CREB3L3: variants seen among roughly 807,000 people sequenced by gnomAD.
CREB3L3 encodes the protein cAMP responsive element binding protein 3 like 3, also known as cyclic AMP-responsive element-binding protein 3-like protein 3.
A neutral mutation model predicts 44.6 loss-of-function variants in CREB3L3; 40 were observed. The ratio of observed to expected loss-of-function variants is 0.90; its 90% CI spans 0.70 to 1.17. CREB3L3 has a LOEUF of 1.17. Among genes scored for constraint, CREB3L3 ranks in the 50% most tolerant of loss-of-function variants. The pLI is 0.00. For missense variants in CREB3L3, 578 were observed against 595.8 expected, an observed-to-expected ratio of 0.97 and a Z score of 0.31; for synonymous variants, 273 against 256.3, an observed-to-expected ratio of 1.06 and a Z score of -0.62.
intron 4 of CREB3L3, among the ~76,000 whole-genome samples, chr19:4,162,188 T>C (rs1379176594): frequency 6.6e-6 from 1 of 152,038 alleles, no homozygotes; most frequent in Non-Finnish European, 1.5e-5. Context: ...GTATTTTTAG[T>C]AGAGACGGGG....
intron 5 of CREB3L3, among the ~76,000 whole-genome samples, chr19:4,166,480 G>A (rs1599341806): frequency 1.4e-5 from 2 of 143,842 alleles, no homozygotes; most frequent in African/African-American, 5.2e-5. Context: ...TGGCCAGGAT[G>A]GTCTCGATCT....
chr19:4,164,501 A>G lies in CREB3L3; in HGVS notation c.577-2A>G, dbSNP rs200078501. On this transcript the variant is annotated splice_acceptor_variant, in intron 4 of 9. Transcript: ENST00000078445. LOFTEE classifies it high-confidence loss of function. ...CCGTCATTCCTCTGATTTTTTCCGT[A>G]GCAACAGCATCACCTGGGGGCCTCC... 5 of 1,613,894 alleles carry G rather than the reference A, an allele frequency of 3.1e-6. No homozygotes were observed. Among genetic ancestry groups the G allele is most frequent in the Non-Finnish European group, 2.5e-6 (3 of 1,180,010 alleles).
intron 5 of CREB3L3, among the ~76,000 whole-genome samples, chr19:4,167,978 T>TTTATTTATTTA (rs1555704049): frequency 8.0e-6 from 1 of 124,738 alleles, no homozygotes; most frequent in Non-Finnish European, 1.6e-5. Flanking sequence ...AATTATTTTA[T>TTTATTTATTTA]TTATTTATTT....
At chr19:4,162,176 T>C (rs2041669698) in intron 4 of CREB3L3, among the ~76,000 whole-genome samples, 1 of 152,046 alleles carries the variant, frequency 6.6e-6, no homozygotes, top group South Asian at 2.1e-4. Context: ...CGACTAATTT[T>C]TGTATTTTTA....
chr19:4,168,048 G>T (rs1966958666), intron 5 of CREB3L3, among the ~76,000 whole-genome samples: 1 of 150,504 alleles, frequency 6.6e-6, no homozygotes, highest in Non-Finnish European at 1.5e-5. Flanking sequence ...GCCCAGGCTG[G>T]ATTGCAATGG....
intron 5 of CREB3L3, among the ~76,000 whole-genome samples, chr19:4,165,443 G>C (rs1966887554): frequency 6.6e-6 from 1 of 150,882 alleles, no homozygotes; most frequent in South Asian, 2.1e-4. Flanking sequence ...CCAAAGTGTT[G>C]GGATTACAGG....
At chr19:4,155,569 G>C (rs879666180) in intron 2 of CREB3L3, among the ~76,000 whole-genome samples, 1 of 151,688 alleles carries the variant, frequency 6.6e-6, no homozygotes, top group Non-Finnish European at 1.5e-5. Flanking sequence ...TCCTGGCCAG[G>C]CTGGTCTTGA....
Position 4,171,915 on chromosome 19 carries a change from G to T in CREB3L3, c.1332G>T (p.Gly444=). Residue 444 remains glycine, a synonymous_variant, in exon 10 of 10, where the codon GGG becomes GGT. Coordinates refer to ENST00000078445, the MANE Select transcript of CREB3L3 (RefSeq NM_032607.3). The surrounding 1 kb of genome is among the most constrained non-coding windows in gnomAD (Gnocchi z 4.9). ...QVALLDWVAP[G]PSTGSGRAGL... ...CCCTGCTGGACTGGGTGGCGCCTGG[G>T]CCGAGCACTGGCTCAGGACGTGCAG... 6.2e-7 allele frequency: 1 copy of T among 1,611,838 alleles called. No homozygotes were observed. The highest frequency in any genetic ancestry group is 8.5e-7 in the Non-Finnish European group (1 of 1,179,498).
rs549961321 is a variant in CREB3L3 at position 4,161,366 on chromosome 19, G to A, written c.576+1584G>A. ...TAGCCTCAAGTGATCCTCCTGCTTT[G>A]TCCTCTCACAGTGCTGGATTATAGG... On this transcript the variant is annotated intron_variant, in intron 4 of 9. Coordinates refer to ENST00000078445, the MANE Select transcript of CREB3L3 (RefSeq NM_032607.3). 8.4e-4 allele frequency among the ~76,000 whole-genome samples: 127 copies of A among 152,082 alleles called. 2 individuals are homozygous for A. The highest frequency in any genetic ancestry group is 1.5e-3 in the Non-Finnish European group (101 of 68,008).
chr19:4,157,393 C>A (rs2041600003), intron 3 of CREB3L3, 98 bp downstream of exon 3: 6 of 1,363,268 alleles, frequency 4.4e-6, no homozygotes, highest in Non-Finnish European at 6.2e-6. Context: ...GGCATCTTGT[C>A]CAAGGTCACA....
rs547803453 is a variant in CREB3L3 at position 4,164,631 on chromosome 19, C to T, written c.705C>T (p.Pro235=). 1 of 1,614,040 alleles carries T rather than the reference C, an allele frequency of 6.2e-7. No individual in the cohort carries two copies. The highest frequency in any genetic ancestry group is 8.5e-7 in the Non-Finnish European group (1 of 1,180,026). The change falls in exon 5 of 10, where the codon CCC becomes CCT. Residue 235 remains proline, a synonymous_variant. Coordinates refer to ENST00000078445, the MANE Select transcript of CREB3L3 (RefSeq NM_032607.3). ...KEGITLPTQL[P]LTKYEERVLK... is the part of the protein sequence containing the mutation. ...GCATCACCCTGCCCACTCAGCTGCCCCTCACTAAGGTGAGTCTGGGGGGAC... is the reference window on the plus strand; with the variant it reads ...GCATCACCCTGCCCACTCAGCTGCCTCTCACTAAGGTGAGTCTGGGGGGAC...
intron 2 of CREB3L3, 128 bp downstream of exon 2, chr19:4,155,155 T>C: frequency 8.5e-7 from 1 of 1,172,358 alleles, no homozygotes; most frequent in Admixed American, 2.0e-5. Context: ...CACTAATGGG[T>C]CACGGTGCTT....
intron 3 of CREB3L3, among the ~76,000 whole-genome samples, chr19:4,158,499 A>G (rs1448184658): frequency 6.6e-6 from 1 of 151,756 alleles, no homozygotes; most frequent in Non-Finnish European, 1.5e-5. Context: ...TCTGTCTCGA[A>G]AAAAAGCCAA....
intron 3 of CREB3L3, 23 bp downstream of exon 3, chr19:4,157,318 C>T (rs1490824938): frequency 6.2e-7 from 1 of 1,612,904 alleles, no homozygotes; most frequent in East Asian, 2.2e-5. Flanking sequence ...GTGTCTCTGC[C>T]CACCGCCCTC....
intron 2 of CREB3L3, 42 bp from the exon 3 acceptor site, chr19:4,156,953 G>A: frequency 6.2e-7 from 1 of 1,605,340 alleles, no homozygotes; most frequent in Non-Finnish European, 8.5e-7. Flanking sequence ...TAAAAAGAGT[G>A]AGCACTTCCT....
intron 3 of CREB3L3, among the ~76,000 whole-genome samples, chr19:4,157,993 C>T (rs997193027): frequency 1.3e-5 from 2 of 152,046 alleles, no homozygotes; most frequent in Admixed American, 1.3e-4. Context: ...CCTGTAGATG[C>T]TCAATAAAAG....
chr19:4,168,473 C>A lies in CREB3L3; in HGVS notation c.821+16C>A. 1 of 1,572,012 alleles carries A rather than the reference C, an allele frequency of 6.4e-7. No homozygotes were observed. The highest frequency in any genetic ancestry group is 8.7e-7 in the Non-Finnish European group (1 of 1,147,588). ...TGGAGACTCGGTGGGTAGTGCTGGA[C>A]CCAGACTCTACACTCGTGGAGGAAA... On this transcript the variant is annotated intron_variant, in intron 6 of 9. Transcript: ENST00000078445.
rs889748877 is a variant in CREB3L3, at chr19:4,154,760, GC to G, written c.28-138del. On this transcript the variant is annotated intron_variant, in intron 1 of 9. Coordinates refer to ENST00000078445, the MANE Select transcript of CREB3L3 (RefSeq NM_032607.3). Reference sequence around the variant, plus strand: ...GTCCAGATTTGGAAAGGGAGTCTCAGCGAGGGGCAGCAGCTGGCCCAACCCG... The same window carrying G: ...GTCCAGATTTGGAAAGGGAGTCTCAGGAGGGGCAGCAGCTGGCCCAACCCG... 3 of 1,243,928 alleles carry G rather than the reference GC, an allele frequency of 2.4e-6. No homozygotes were observed. In the African/African-American group the frequency reaches 4.4e-5, roughly 18 times the overall value. The allele number at this position is 1,243,928 out of a possible 1,614,324, so 77.1% of individuals were successfully genotyped here. A position where few individuals can be genotyped will look rare whatever the true frequency, so the allele number is the denominator to read the frequency against.
At chr19:4,168,280 A>G (rs1351151310) in intron 5 of CREB3L3, 71 bp from the exon 6 acceptor site, 2 of 1,201,748 alleles carry the variant, frequency 1.7e-6, no homozygotes, top group African/African-American at 3.0e-5. Flanking sequence ...ATTACAGGCG[A>G]GAGCTACTGC....
Sources: allele counts gnomAD v4.1 joint callset (sites outside exome capture counted in the v4.1 genomes callset), GRCh38; gene constraint gnomAD v4.1.1; non-coding constraint Gnocchi (gnomAD v3.1); transcripts MANE v1.5; gene names NCBI Gene and HGNC (gene_info 2026-07-23, HGNC 2026-07-21).